The following TRPM3 variants were observed in gnomAD, a reference collection of about 807,000 sequenced individuals.
TRPM3 encodes the protein transient receptor potential cation channel subfamily M member 3, also known as long transient receptor potential channel 3.
A neutral mutation model predicts 181.2 loss-of-function variants in TRPM3; 77 were observed. That is an observed-to-expected ratio of 0.42 (90% CI 0.35 to 0.51). TRPM3 has a LOEUF of 0.51. TRPM3 is among the 20% of genes least tolerant of loss of function. The pLI is 0.01. For synonymous variants in TRPM3, 745 were observed against 796.4 expected, an observed-to-expected ratio of 0.94 and a Z score of 1.09; for missense variants, 1,759 against 2,196.7, an observed-to-expected ratio of 0.80 and a Z score of 3.98.
intron 1 of TRPM3, among the ~76,000 whole-genome samples, chr9:71,293,752 C>T (rs2086024369): frequency 6.6e-6 from 1 of 151,816 alleles, no homozygotes; most frequent in African/African-American, 2.4e-5. Context: ...GAGTAAAGGA[C>T]TAAGGATATC....
intron 1 of TRPM3, among the ~76,000 whole-genome samples, chr9:71,277,450 TATG>T: frequency 6.6e-6 from 1 of 152,354 alleles, no homozygotes. Context: ...ATAAATAGTT[TATG>T]ATGAGTCATA....
chr9:71,446,873 G>A (rs2094210880), upstream of TRPM3: 2 of 1,491,398 alleles, frequency 1.3e-6, no homozygotes, highest in South Asian at 1.3e-5. Flanking sequence ...ACAGCCCAGC[G>A]CCGAGCGCTC....
chr9:71,019,112 T>C (rs2097817663), intron 1 of TRPM3, among the ~76,000 whole-genome samples: 1 of 151,904 alleles, frequency 6.6e-6, no homozygotes, highest in South Asian at 2.1e-4. Context: ...AATGATAAAG[T>C]TTATCTACAA....
intron 1 of TRPM3, among the ~76,000 whole-genome samples, chr9:70,948,565 G>A (rs2096961291): frequency 6.6e-6 from 1 of 152,206 alleles, no homozygotes; most frequent in Non-Finnish European, 1.5e-5. Context: ...CTTGGCTTCA[G>A]GTTAAAGATG....
At chr9:70,673,955 A>C (rs2063488911) in intron 9 of TRPM3, among the ~76,000 whole-genome samples, 2 of 151,028 alleles carry the variant, frequency 1.3e-5, no homozygotes, top group Admixed American at 6.6e-5. Context: ...ATCTCAAAAA[A>C]AAAAAAAAAA....
chr9:70,663,087 C>A (rs2061350566), intron 9 of TRPM3, among the ~76,000 whole-genome samples: 1 of 152,128 alleles, frequency 6.6e-6, no homozygotes, highest in African/African-American at 2.4e-5. Context: ...TTGTCTTTTG[C>A]AGCAGCTTGG....
At chr9:71,433,278 G>A (rs923554133) in intron 1 of TRPM3, among the ~76,000 whole-genome samples, 25 of 152,294 alleles carry the variant, frequency 1.6e-4, no homozygotes, top group African/African-American at 6.0e-4. Flanking sequence ...CCCAGTGGGA[G>A]GTAATTGAAT....
At chr9:70,690,325 G>T (rs2068143405) in intron 8 of TRPM3, among the ~76,000 whole-genome samples, 1 of 152,092 alleles carries the variant, frequency 6.6e-6, no homozygotes, top group Non-Finnish European at 1.5e-5. Context: ...TAAGAATTTA[G>T]AACAGTCTGC....
At chr9:71,220,219 C>A (rs7049121) in intron 1 of TRPM3, among the ~76,000 whole-genome samples, 1 of 151,988 alleles carries the variant, frequency 6.6e-6, no homozygotes, top group African/African-American at 2.4e-5. Flanking sequence ...GCAACTCTCT[C>A]CAAAGGTGAT....
At chr9:71,159,406 G>C (rs2076168143) in intron 1 of TRPM3, among the ~76,000 whole-genome samples, 1 of 151,910 alleles carries the variant, frequency 6.6e-6, no homozygotes, top group African/African-American at 2.4e-5. Context: ...ATAAGGCTCG[G>C]CTACTCCATC....
intron 1 of TRPM3, among the ~76,000 whole-genome samples, chr9:71,431,604 C>T (rs1278115293): frequency 6.6e-6 from 1 of 152,146 alleles, no homozygotes; most frequent in Non-Finnish European, 1.5e-5. Context: ...TTACCTCTGA[C>T]TCACGAGTCA....
chr9:70,984,890 T>C (rs1466648291), intron 1 of TRPM3, among the ~76,000 whole-genome samples: 1 of 152,240 alleles, frequency 6.6e-6, no homozygotes, highest in Non-Finnish European at 1.5e-5. Flanking sequence ...AACTAATATG[T>C]CATCCGTATT....
intron 6 of TRPM3, among the ~76,000 whole-genome samples, chr9:70,807,551 T>C (rs2090968214): frequency 6.6e-6 from 1 of 152,142 alleles, no homozygotes; most frequent in Non-Finnish European, 1.5e-5. Context: ...GAGCTAAAAA[T>C]AAAGCCAGGG....
At chr9:71,355,290 G>C (rs2091849763) in intron 1 of TRPM3, among the ~76,000 whole-genome samples, 1 of 152,204 alleles carries the variant, frequency 6.6e-6, no homozygotes, top group Non-Finnish European at 1.5e-5. Flanking sequence ...ATGAGGATTA[G>C]AGTGAGCACT....
chr9:71,134,478 C>T (rs111901318), intron 1 of TRPM3, among the ~76,000 whole-genome samples: 1,553 of 142,746 alleles, frequency 0.011, 22 homozygotes, highest in East Asian at 0.074. Context: ...CTTGAACCCA[C>T]GAGGCAGAGG....
chr9:71,210,800 G>A (rs1293992645), intron 1 of TRPM3, among the ~76,000 whole-genome samples: 1 of 152,206 alleles, frequency 6.6e-6, no homozygotes, highest in African/African-American at 2.4e-5. Flanking sequence ...AAAAGGGAAA[G>A]TCTAAGGTCA....
chr9:71,262,835 T>C (rs2083157282), intron 1 of TRPM3, among the ~76,000 whole-genome samples: 1 of 152,110 alleles, frequency 6.6e-6, no homozygotes. Flanking sequence ...GCTCACTCTC[T>C]GTGGGCTGCA....
At chr9:71,189,691 C>G (rs1294315947) in intron 1 of TRPM3, among the ~76,000 whole-genome samples, 1 of 151,748 alleles carries the variant, frequency 6.6e-6, no homozygotes, top group East Asian at 1.9e-4. Context: ...CCTTTTCATC[C>G]CTCAAGGCCC....
intron 3 of TRPM3, among the ~76,000 whole-genome samples, chr9:70,847,400 A>C (rs1239462856): frequency 6.6e-6 from 1 of 152,170 alleles, no homozygotes; most frequent in Non-Finnish European, 1.5e-5. Flanking sequence ...AGTCCTTTGA[A>C]ATAGGTTTCT....
Sources: gnomAD v4.1 joint callset for allele counts (sites outside exome capture counted in the v4.1 genomes callset) on GRCh38, gnomAD v4.1.1 for gene constraint, MANE v1.5 for transcripts, NCBI Gene and HGNC (gene_info 2026-07-23, HGNC 2026-07-21) for gene names.